RMC1: variants seen among roughly 807,000 people sequenced by gnomAD.
RMC1 encodes the protein regulator of MON1-CCZ1 complex.
Under a neutral mutation model 95.5 loss-of-function variants are expected in RMC1, and 44 were observed. The ratio of observed to expected loss-of-function variants is 0.46; its 90% CI spans 0.36 to 0.59. RMC1 has a LOEUF of 0.59. Among genes scored for constraint, RMC1 ranks in the 20% least tolerant of loss-of-function variants. The probability of loss-of-function intolerance (pLI) is 0.00; values close to 1 mark genes in which losing one functional copy is unlikely to be tolerated. For missense variants in RMC1, 705 were observed against 819.6 expected (o/e 0.86, Z 1.71); for synonymous variants, 320 against 303.6 (o/e 1.05, Z -0.56).
Position 23,507,046 on chromosome 18 carries a change from A to G in RMC1, c.256A>G (p.Lys86Glu). The change falls in exon 3 of 20, where the codon AAG becomes GAG. Residue 86 changes from lysine (K) to glutamate (E), a missense_variant. Lys to Glu is a moderately conservative substitution (Grantham distance 56). Transcript: ENST00000269221. ...GATATTGGCTGTTCAGAGGACCTCA[A>G]AGACTGTGGTAAGACTTATCTTTAA... ...NKILAVQRTS[K>E]TVDFCNFIPD... is the part of the protein sequence containing the mutation. 1 of 1,601,722 alleles carries G rather than the reference A, an allele frequency of 6.2e-7. No homozygotes were observed. The highest frequency in any genetic ancestry group is 8.5e-7 in the Non-Finnish European group (1 of 1,171,546).
intron 4 of RMC1, 107 bp downstream of exon 4, chr18:23,508,148 G>T: frequency 2.0e-6 from 2 of 1,005,234 alleles, no homozygotes; most frequent in Non-Finnish European, 2.8e-6. Flanking sequence ...CTTGAAGTCA[G>T]ACTGTCCCTC....
chr18:23,520,784 G>T (rs117994524), intron 10 of RMC1, among the ~76,000 whole-genome samples: 1 of 150,906 alleles, frequency 6.6e-6, no homozygotes, highest in Non-Finnish European at 1.5e-5. Context: ...GTATTCAATC[G>T]CTTAAATACT....
intron 13 of RMC1, 131 bp from the exon 14 acceptor site, chr18:23,527,664 G>GTATTGTATTTCT (rs71163616): frequency 0.66 from 401,878 of 604,978 alleles, 136,790 homozygotes; most frequent in East Asian, 0.91. Flanking sequence ...GGTCTTTAAA[G>GTATTGTATTTCT]TAGAGTGTCC....
chr18:23,531,795 T>TATC lies in RMC1; in HGVS notation c.*92_*94dup. On this transcript the variant is annotated 3_prime_UTR_variant, in exon 20 of 20. Transcript: ENST00000269221. ...TTAAACTATAAAATGTTATAAAGTG[T>TATC]ATCTACAACCTCAACTGTCACTAAA... 6.5e-7 allele frequency: 1 copy of TATC among 1,539,856 alleles called. No individual in the cohort carries two copies.
chr18:23,524,918 G>A (rs917910025), intron 12 of RMC1, among the ~76,000 whole-genome samples: 25 of 148,604 alleles, frequency 1.7e-4, no homozygotes, highest in Admixed American at 6.0e-4. Context: ...TCTCTTCCTG[G>A]GTAATCTCTT....
chr18:23,517,212 C>T (rs1435078848), intron 7 of RMC1, among the ~76,000 whole-genome samples: 6 of 151,612 alleles, frequency 4.0e-5, no homozygotes, highest in Admixed American at 1.3e-4. Context: ...TACAGTGGCA[C>T]GATCTTGGCT....
chr18:23,530,638 G>A (rs1164015741), intron 19 of RMC1, 26 bp downstream of exon 19: 2 of 1,603,034 alleles, frequency 1.2e-6, no homozygotes, highest in Non-Finnish European at 1.7e-6. Flanking sequence ...AAAGACTTGG[G>A]GTAACCATAG....
Position 23,515,891 on chromosome 18 carries a change from G to A in RMC1, c.444G>A (p.Lys148=), listed in dbSNP as rs759956191. The A allele has an allele frequency of 2.5e-6, 4 of 1,614,036 alleles. No individual in the cohort carries two copies. The highest frequency in any genetic ancestry group is 3.4e-6 in the Non-Finnish European group (4 of 1,180,036). ...AGAAACGGAGTCTGAAACTCTTGAA[G>A]AGCCACAATCTCAATGTGAATTGGT... is the stretch of plus-strand genomic sequence containing the variant. ...LPEKRSLKLL[K]SHNLNVNWYM... The change falls in exon 6 of 20, where the codon AAG becomes AAA. Residue 148 remains lysine, a synonymous_variant. Coordinates refer to ENST00000269221, the MANE Select transcript of RMC1 (RefSeq NM_013326.5).
intron 4 of RMC1, among the ~76,000 whole-genome samples, chr18:23,508,438 C>T (rs2057767137): frequency 6.6e-6 from 1 of 152,136 alleles, no homozygotes. Context: ...AGTTTCCTTT[C>T]CTCAATTTGT....
chr18:23,530,364 G>A lies in RMC1; in HGVS notation c.1669-23G>A, dbSNP rs1275150090. ...CTGTTCCTGTTGTTTGCACTGACCTGGACTTCTCTCCCTTACTGCTAGCGA... is the reference window on the plus strand; with the variant it reads ...CTGTTCCTGTTGTTTGCACTGACCTAGACTTCTCTCCCTTACTGCTAGCGA... On this transcript the variant is annotated intron_variant, in intron 18 of 19. Coordinates refer to ENST00000269221, the MANE Select transcript of RMC1 (RefSeq NM_013326.5). 4 of 1,613,948 alleles carry A rather than the reference G, an allele frequency of 2.5e-6. No individual in the cohort carries two copies. In the South Asian group the frequency reaches 4.4e-5, roughly 18 times the overall value.
intron 10 of RMC1, among the ~76,000 whole-genome samples, chr18:23,522,109 T>C (rs915905396): frequency 1.3e-5 from 2 of 152,316 alleles, no homozygotes; most frequent in South Asian, 2.1e-4. Flanking sequence ...AAGAGCACCA[T>C]TGTCAGCCTG....
intron 11 of RMC1, 86 bp from the exon 12 acceptor site, chr18:23,524,343 T>C: frequency 6.6e-7 from 1 of 1,523,184 alleles, no homozygotes; most frequent in Non-Finnish European, 9.1e-7. Context: ...ACTCAGTACA[T>C]GGTGGGCAGG....
chr18:23,522,083 T>A (rs1478376832), intron 10 of RMC1, among the ~76,000 whole-genome samples: 3 of 152,242 alleles, frequency 2.0e-5, no homozygotes, highest in Admixed American at 2.0e-4. Context: ...AATCGCACTC[T>A]GGCTGAAAGT....
intron 3 of RMC1, among the ~76,000 whole-genome samples, chr18:23,507,611 T>C (rs2057748642): frequency 6.6e-6 from 1 of 152,212 alleles, no homozygotes; most frequent in South Asian, 2.1e-4. Context: ...GAGGGAAGGC[T>C]GTTAGAAACA....
intron 2 of RMC1, among the ~76,000 whole-genome samples, chr18:23,505,406 T>TG (rs969492823): frequency 6.6e-6 from 1 of 152,168 alleles, no homozygotes; most frequent in Admixed American, 6.5e-5. Context: ...CATGGTGTTT[T>TG]GGGGAACTCT....
At chr18:23,517,404 T>C (rs2058036849) in intron 7 of RMC1, among the ~76,000 whole-genome samples, 1 of 152,214 alleles carries the variant, frequency 6.6e-6, no homozygotes, top group African/African-American at 2.4e-5. Context: ...CTCCTCAGCC[T>C]CCCAAAGTGT....
At chr18:23,509,302 T>A in intron 5 of RMC1, 23 bp downstream of exon 5, 1 of 1,285,840 alleles carries the variant, frequency 7.8e-7, no homozygotes, top group Non-Finnish European at 1.0e-6. Flanking sequence ...TCATTTATGT[T>A]TGTTGGTTAA....
Position 23,507,563 on chromosome 18 carries a change from A to G in RMC1, c.265-422A>G, listed in dbSNP as rs535750132. On this transcript the variant is annotated intron_variant, in intron 3 of 19. Transcript: ENST00000269221. ...AGTTGAAGCAGCCTACAGGCACTTTAGCCCGTGTAAATGTTCACCATTGCC... is the reference window on the plus strand; with the variant it reads ...AGTTGAAGCAGCCTACAGGCACTTTGGCCCGTGTAAATGTTCACCATTGCC... Among the ~76,000 whole-genome samples the G allele has an allele frequency of 5.3e-5, 8 of 152,316 alleles. No individual in the cohort carries two copies. In the East Asian group the frequency reaches 1.5e-3, roughly 29 times the overall value.
chr18:23,524,186 T>A lies in RMC1; in HGVS notation c.1006+12T>A, dbSNP rs148467554. On this transcript the variant is annotated intron_variant, in intron 11 of 19. Transcript: ENST00000269221. ...TCCATGTAAACTCTGTATCCTTTAC[T>A]AAGGTGTGGCACCGTGCACAACAGG... is the stretch of plus-strand genomic sequence containing the variant. 2,267 of 1,613,314 alleles carry A rather than the reference T, an allele frequency of 1.4e-3. 2 individuals are homozygous for A. The highest frequency in any genetic ancestry group is 1.7e-3 in the Non-Finnish European group (2,014 of 1,179,956).
Sources: gnomAD v4.1 joint callset for allele counts (sites outside exome capture counted in the v4.1 genomes callset) on GRCh38, gnomAD v4.1.1 for gene constraint, MANE v1.5 for transcripts, NCBI Gene and HGNC (gene_info 2026-07-23, HGNC 2026-07-21) for gene names.